CIMAP2: variants seen among roughly 807,000 people sequenced by gnomAD.
The protein encoded by CIMAP2 is ciliary microtubule associated protein 2.
At chr1:54,826,872 A>C in the CIMAP2 span, among the ~76,000 whole-genome samples, 1 of 151,988 alleles carries the variant, frequency 6.6e-6, no homozygotes, top group Non-Finnish European at 1.5e-5. Context: ...GTGGTTATCT[A>C]CTCGCTGTTT....
At chr1:54,830,203 T>TTTTC in the CIMAP2 span, among the ~76,000 whole-genome samples, 24 of 152,148 alleles carry the variant, frequency 1.6e-4, no homozygotes, top group African/African-American at 5.8e-4. This position sits in a 1 kb window ranked among gnomAD's most constrained non-coding sequence, Gnocchi z 4.1. Flanking sequence ...TAATTCCCTC[T>TTTTC]TTTCTTTCTT....
chr1:54,808,300 C>T, the CIMAP2 span, among the ~76,000 whole-genome samples: 1 of 152,122 alleles, frequency 6.6e-6, no homozygotes, highest in Non-Finnish European at 1.5e-5. Context: ...AAGGGACAGG[C>T]AGTGATGGTG....
chr1:54,835,507 T>G, the CIMAP2 span, among the ~76,000 whole-genome samples: 1 of 152,192 alleles, frequency 6.6e-6, no homozygotes, highest in Non-Finnish European at 1.5e-5. Flanking sequence ...TGATTTTGTA[T>G]GTACTTATTG....
chr1:54,841,630 GT>G, the CIMAP2 span: 1 of 1,614,156 alleles, frequency 6.2e-7, no homozygotes, highest in Non-Finnish European at 8.5e-7. Context: ...AGGCTGTTTT[GT>G]TGGAAAGGCC....
chr1:54,841,156 T>A, the CIMAP2 span, among the ~76,000 whole-genome samples: 4 of 152,150 alleles, frequency 2.6e-5, no homozygotes, highest in African/African-American at 9.7e-5. Context: ...TGGGTAATGA[T>A]CTAGGCATAG....
At chr1:54,835,568 G>A in the CIMAP2 span, among the ~76,000 whole-genome samples, 1 of 152,146 alleles carries the variant, frequency 6.6e-6, no homozygotes, top group South Asian at 2.1e-4. Flanking sequence ...TTTCAGTTGA[G>A]AGTATTGAAG....
chr1:54,834,575 T>C, the CIMAP2 span, among the ~76,000 whole-genome samples: 1 of 152,236 alleles, frequency 6.6e-6, no homozygotes, highest in Non-Finnish European at 1.5e-5. Flanking sequence ...CTGAAATGCT[T>C]AAGATTAGAA....
At chr1:54,807,206 G>A in the CIMAP2 span, 4 of 1,119,188 alleles carry the variant, frequency 3.6e-6, no homozygotes, top group Admixed American at 3.5e-5. Context: ...TTCCAGCACA[G>A]AGCTGGACCC....
chr1:54,817,988 T>A, the CIMAP2 span, among the ~76,000 whole-genome samples: 10 of 152,332 alleles, frequency 6.6e-5, no homozygotes, highest in South Asian at 1.9e-3. Context: ...AATAGTTTGG[T>A]TGGAAATAAA....
the CIMAP2 span, chr1:54,811,765 G>GCCGGGGGGGGGGCGGGCCCCCCCCCC: frequency 1.5e-6 from 2 of 1,301,332 alleles, no homozygotes; most frequent in Non-Finnish European, 1.1e-6. Context: ...GGTTCTGACA[G>GCCGGGGGGGGGGCGGGCCCCCCCCCC]CCTCCATGCC....
At chr1:54,808,678 C>T in the CIMAP2 span, among the ~76,000 whole-genome samples, 1 of 145,598 alleles carries the variant, frequency 6.9e-6, no homozygotes, top group African/African-American at 2.5e-5. Flanking sequence ...GGAAGACCTT[C>T]GAGAGGGCCA....
the CIMAP2 span, among the ~76,000 whole-genome samples, chr1:54,835,805 A>C: frequency 6.6e-6 from 1 of 151,886 alleles, no homozygotes; most frequent in African/African-American, 2.4e-5. Context: ...AAGAGGGATG[A>C]AGGCAGGTCG....
At chr1:54,821,404 A>G in the CIMAP2 span, among the ~76,000 whole-genome samples, 1 of 152,146 alleles carries the variant, frequency 6.6e-6, no homozygotes, top group African/African-American at 2.4e-5. Flanking sequence ...TGATTTTTAT[A>G]TATAGTGAGG....
At chr1:54,832,880 A>T in the CIMAP2 span, among the ~76,000 whole-genome samples, 1 of 152,222 alleles carries the variant, frequency 6.6e-6, no homozygotes, top group Non-Finnish European at 1.5e-5. Flanking sequence ...TTTAAAAATT[A>T]GCTGGGTGTG....
chr1:54,841,766 C>T, the CIMAP2 span: 1 of 1,602,876 alleles, frequency 6.2e-7, no homozygotes, highest in Non-Finnish European at 8.5e-7. Context: ...TCCAAGGGAT[C>T]ACTTCCTTTT....
At chr1:54,825,599 G>C in the CIMAP2 span, among the ~76,000 whole-genome samples, 1 of 152,142 alleles carries the variant, frequency 6.6e-6, no homozygotes, top group African/African-American at 2.4e-5. Context: ...AGTGGGCTGG[G>C]TATGTCAGTC....
the CIMAP2 span, chr1:54,841,478 C>T: frequency 1.4e-6 from 2 of 1,390,632 alleles, no homozygotes; most frequent in African/African-American, 2.9e-5. Context: ...CCTCCTCTCT[C>T]TGGTCCTTGG....
the CIMAP2 span, chr1:54,811,765 G>GCCGGGGGGGGGGCGGCCCCCCCCC: frequency 1.5e-6 from 2 of 1,301,326 alleles, no homozygotes; most frequent in Non-Finnish European, 2.2e-6. Flanking sequence ...GGTTCTGACA[G>GCCGGGGGGGGGGCGGCCCCCCCCC]CCTCCATGCC....
At chr1:54,825,730 GTCC>G in the CIMAP2 span, among the ~76,000 whole-genome samples, 4 of 152,156 alleles carry the variant, frequency 2.6e-5, no homozygotes, top group Non-Finnish European at 5.9e-5. Flanking sequence ...GAGCCAGTAG[GTCC>G]TTGGGCCCCT....
Sources: gnomAD v4.1 joint callset for allele counts (sites outside exome capture counted in the v4.1 genomes callset) on GRCh38, gnomAD v4.1.1 for gene constraint, Gnocchi (gnomAD v3.1) non-coding constraint, MANE v1.5 for transcripts, NCBI Gene and HGNC (gene_info 2026-07-23, HGNC 2026-07-21) for gene names.